ACTR3C: variants seen among roughly 807,000 people sequenced by gnomAD.
ACTR3C encodes actin-related protein 3C.
ACTR3C carries 18 observed loss-of-function variants against 26.3 expected under a neutral mutation model. The ratio of observed to expected loss-of-function variants is 0.68; its 90% CI spans 0.47 to 1.01. The LOEUF is 1.01. Among genes scored for constraint, ACTR3C ranks in the 50% least tolerant of loss-of-function variants. ACTR3C has a pLI of 0.00. For synonymous variants in ACTR3C, 55 were observed against 94.5 expected (o/e 0.58, Z 2.42); for missense variants, 184 against 250.7 (o/e 0.73, Z 1.80).
At chr7:150,283,003 C>T in intron 6 of ACTR3C, among the ~76,000 whole-genome samples, 1 of 145,736 alleles carries the variant, frequency 6.9e-6, no homozygotes, top group Admixed American at 6.7e-5. Flanking sequence ...TAGCACATAA[C>T]CCAGGCGCCT....
chr7:150,227,692 T>TTTTTTTTTTTTTTTTC, the ACTR3C span, among the ~76,000 whole-genome samples: 1 of 139,826 alleles, frequency 7.2e-6, no homozygotes, highest in African/African-American at 3.0e-5. Context: ...GTCTGGGTTT[T>TTTTTTTTTTTTTTTTC]TTTTTTTTGT....
intron 1 of ACTR3C, among the ~76,000 whole-genome samples, chr7:150,306,084 TA>T (rs1380767341): frequency 6.6e-6 from 1 of 152,266 alleles, no homozygotes; most frequent in Non-Finnish European, 1.5e-5. Context: ...ACACCACATG[TA>T]ATACGATATT....
At chr7:150,278,662 C>T (rs558414101) in intron 6 of ACTR3C, among the ~76,000 whole-genome samples, 18 of 152,362 alleles carry the variant, frequency 1.2e-4, no homozygotes, top group Admixed American at 3.3e-4. Context: ...TTCTTGTGAG[C>T]TGGGCAAGTC....
the ACTR3C span, among the ~76,000 whole-genome samples, chr7:149,943,259 G>A: frequency 6.9e-6 from 1 of 144,334 alleles, no homozygotes; most frequent in East Asian, 2.0e-4. Flanking sequence ...GACCCTTGAT[G>A]TAGAATTTTG....
intron 1 of ACTR3C, among the ~76,000 whole-genome samples, chr7:150,303,866 C>A (rs1019031588): frequency 6.6e-6 from 1 of 152,102 alleles, no homozygotes; most frequent in African/African-American, 2.4e-5. Context: ...AGCATATGAT[C>A]AAAGCATCAA....
At chr7:150,318,204 GTTC>G (rs1386862466) in intron 1 of ACTR3C, among the ~76,000 whole-genome samples, 3 of 152,158 alleles carry the variant, frequency 2.0e-5, no homozygotes, top group African/African-American at 7.2e-5. Flanking sequence ...TTTGGATAAT[GTTC>G]TTGTTTTGTC....
At chr7:150,267,760 G>T (rs1384986997) in intron 6 of ACTR3C, among the ~76,000 whole-genome samples, 1 of 152,116 alleles carries the variant, frequency 6.6e-6, no homozygotes, top group African/African-American at 2.4e-5. Flanking sequence ...CATGCCCCAC[G>T]GATAAGAAGG....
chr7:150,039,820 G>T, the ACTR3C span, among the ~76,000 whole-genome samples: 52 of 135,810 alleles, frequency 3.8e-4, no homozygotes, highest in African/African-American at 1.2e-3. Context: ...CCTCGCGGGG[G>T]GTGCCTCCGC....
intron 1 of ACTR3C, among the ~76,000 whole-genome samples, chr7:150,296,585 C>T (rs1484065421): frequency 1.4e-5 from 2 of 145,920 alleles, no homozygotes; most frequent in African/African-American, 2.6e-5. Context: ...GTCTATATCT[C>T]GTATTTAAAA....
chr7:150,144,264 G>T, the ACTR3C span, among the ~76,000 whole-genome samples: 674 of 152,180 alleles, frequency 4.4e-3, 3 homozygotes, highest in Non-Finnish European at 6.7e-3. This position sits in a 1 kb window ranked among gnomAD's most constrained non-coding sequence, Gnocchi z 4.6. Flanking sequence ...CTAAAGACTA[G>T]AAAAAATACC....
the ACTR3C span, among the ~76,000 whole-genome samples, chr7:149,976,300 C>T: frequency 5.9e-5 from 9 of 152,048 alleles, no homozygotes; most frequent in South Asian, 4.2e-4. Context: ...GATGGCCGGG[C>T]GCGGTGGCTC....
chr7:150,231,395 C>T, the ACTR3C span, among the ~76,000 whole-genome samples: 6 of 151,932 alleles, frequency 3.9e-5, no homozygotes, highest in East Asian at 1.2e-3. Context: ...CATTGGTTCC[C>T]ACAAAAGCTG....
At chr7:150,118,076 C>T in the ACTR3C span, among the ~76,000 whole-genome samples, 578 of 152,236 alleles carry the variant, frequency 3.8e-3, 3 homozygotes, top group Middle Eastern at 0.014. Flanking sequence ...AAACCCCATC[C>T]GAAGGTCACC....
the ACTR3C span, among the ~76,000 whole-genome samples, chr7:150,215,592 T>C: frequency 6.6e-6 from 1 of 152,214 alleles, no homozygotes. Flanking sequence ...CGTGGACTAA[T>C]AACTCATCCC....
chr7:150,215,329 T>C, the ACTR3C span, among the ~76,000 whole-genome samples: 1 of 152,206 alleles, frequency 6.6e-6, no homozygotes, highest in Admixed American at 6.5e-5. Flanking sequence ...AACATTTTAC[T>C]AATTCATTGG....
the ACTR3C span, among the ~76,000 whole-genome samples, chr7:150,040,228 A>G: frequency 1.4e-5 from 2 of 147,878 alleles, 1 homozygote; most frequent in Non-Finnish European, 3.0e-5. Context: ...TAGGGGGGCC[A>G]TCCTTTAGAA....
At chr7:150,160,588 T>C in the ACTR3C span, among the ~76,000 whole-genome samples, 12 of 152,202 alleles carry the variant, frequency 7.9e-5, no homozygotes, top group African/African-American at 1.9e-4. Flanking sequence ...TGTACAGGAA[T>C]GATGAGACAT....
chr7:149,951,447 T>G, the ACTR3C span, among the ~76,000 whole-genome samples: 1 of 147,898 alleles, frequency 6.8e-6, no homozygotes, highest in Non-Finnish European at 1.5e-5. Context: ...CTATATTTCT[T>G]TCTTGGGCTT....
the ACTR3C span, among the ~76,000 whole-genome samples, chr7:150,118,062 G>T: frequency 6.6e-6 from 1 of 151,986 alleles, no homozygotes; most frequent in Middle Eastern, 3.2e-3. Context: ...GGACAACAAC[G>T]CAAAAACCCC....
Sources: gnomAD v4.1 joint callset for allele counts (sites outside exome capture counted in the v4.1 genomes callset) on GRCh38, gnomAD v4.1.1 for gene constraint, Gnocchi (gnomAD v3.1) non-coding constraint, MANE v1.5 for transcripts, NCBI Gene and HGNC (gene_info 2026-07-23, HGNC 2026-07-21) for gene names.